Variants in WDFY4 observed in about 807,000 individuals in gnomAD.
The protein encoded by WDFY4 is WD repeat- and FYVE domain-containing protein 4.
A neutral mutation model predicts 351.9 loss-of-function variants in WDFY4; 169 were observed. The observed-to-expected ratio is 0.48, with a 90% CI of 0.42 to 0.55. The LOEUF is 0.55. Among genes scored for constraint, WDFY4 ranks in the 20% least tolerant of loss-of-function variants. The probability of loss-of-function intolerance (pLI) is 0.00; values close to 1 mark genes in which losing one functional copy is unlikely to be tolerated. For missense variants in WDFY4, 3,803 were observed against 3,935.6 expected, an observed-to-expected ratio of 0.97 and a Z score of 0.90; for synonymous variants, 1,622 against 1,574.6, an observed-to-expected ratio of 1.03 and a Z score of -0.71.
Position 48,743,414 on chromosome 10 carries a change from C to A in WDFY4, c.2325C>A (p.Ser775Arg), listed in dbSNP as rs1487962791. The A allele has an allele frequency of 1.3e-6, 2 of 1,551,438 alleles. No individual in the cohort carries two copies. Among genetic ancestry groups the A allele is most frequent in the Non-Finnish European group, 1.7e-6 (2 of 1,146,996 alleles). ...TTGGCTTTCTGGACAGCATGGCCAG[C>A]GGCACCCTCCACTTGCGTGGGGACC... ...QILGFLDSMA[S>R]GTLHLRGDLK... The change falls in exon 12 of 62, where the codon AGC becomes AGA. Residue 775 changes from serine to arginine, a missense_variant. Around this residue, in one of 3 missense-constraint regions of WDFY4, gnomAD observed 3,054 missense variants for 3,148.6 expected, o/e 0.97. Transcript: ENST00000325239.
chr10:48,785,134 A>C (rs1311963600), intron 19 of WDFY4, among the ~76,000 whole-genome samples: 1 of 152,142 alleles, frequency 6.6e-6, no homozygotes, highest in Non-Finnish European at 1.5e-5. Flanking sequence ...TGCTGGGATT[A>C]CAGACGTGAG....
intron 43 of WDFY4, among the ~76,000 whole-genome samples, chr10:48,880,319 C>A (rs1296197291): frequency 6.6e-6 from 1 of 152,220 alleles, no homozygotes; most frequent in Non-Finnish European, 1.5e-5. Context: ...CACCAGGTGA[C>A]ATTTTCCTCA....
chr10:48,838,741 C>T (rs1168718706), intron 39 of WDFY4, among the ~76,000 whole-genome samples: 1 of 152,234 alleles, frequency 6.6e-6, no homozygotes, highest in Non-Finnish European at 1.5e-5. Context: ...GAAGCAACAT[C>T]CCAGACATCG....
At chr10:48,806,540 G>C (rs2067262942) in intron 27 of WDFY4, among the ~76,000 whole-genome samples, 1 of 152,218 alleles carries the variant, frequency 6.6e-6, no homozygotes, top group Admixed American at 6.5e-5. Flanking sequence ...TAGCCAAGCT[G>C]TCCCCAGTCC....
intron 40 of WDFY4, among the ~76,000 whole-genome samples, chr10:48,870,602 A>G (rs1369597429): frequency 1.3e-5 from 2 of 152,082 alleles, no homozygotes; most frequent in African/African-American, 4.8e-5. Flanking sequence ...CCCCAACATA[A>G]CAGAATCCCT....
chr10:48,788,556 C>A lies in WDFY4; in HGVS notation c.3835C>A (p.Pro1279Thr), dbSNP rs1158419369. 6.4e-7 allele frequency: 1 copy of A among 1,551,972 alleles called. No homozygotes were observed. Among genetic ancestry groups the A allele is most frequent in the African/African-American group, 1.4e-5 (1 of 73,052 alleles). ...GGAGGACCTGGACAGTGAAGCCACGCCCTTTGTTGCAGAAGAAAGAGTTTC... is the reference window on the plus strand; with the variant it reads ...GGAGGACCTGGACAGTGAAGCCACGACCTTTGTTGCAGAAGAAAGAGTTTC... Reference protein sequence around the residue: ...QGEDLDSEATPFVAEERVSFG... With the variant: ...QGEDLDSEATTFVAEERVSFG... Residue 1279 changes from proline to threonine, a missense_variant, in exon 21 of 62, where the codon CCC (proline) becomes ACC (threonine). Transcript: ENST00000325239.
rs1565198961 is a variant in WDFY4 at position 48,787,933 on chromosome 10, CT to C, written c.3809-595del. Among the ~76,000 whole-genome samples, 321 of 93,958 alleles carry C rather than the reference CT, an allele frequency of 3.4e-3. 9 individuals carry two copies. Among genetic ancestry groups the C allele is most frequent in the South Asian group, 9.3e-3 (23 of 2,482 alleles). The allele number at this position is 93,958 out of a possible 152,430, so 61.6% of individuals were successfully genotyped here. On this transcript the variant is annotated intron_variant, in intron 20 of 61. Coordinates refer to ENST00000325239, the MANE Select transcript of WDFY4 (RefSeq NM_001394531.1). ...TCTTCTTCTTCTTCTTCTTCTTCTT[CT>C]TCTTCTTCTTCTTCTTCTTCTTCTT...
In WDFY4 at chr10:48,786,650, C is replaced by T; in HGVS notation, c.3588C>T (p.Ile1196=). Residue 1196 remains isoleucine, a synonymous_variant, in exon 20 of 62, where the codon ATC becomes ATT. Coordinates refer to ENST00000325239, the MANE Select transcript of WDFY4 (RefSeq NM_001394531.1). ...QVIGSAKMLY[I]QALPGPFLSM... is the part of the protein sequence containing the mutation. ...TTTTATTTTAACAGATGTTATACAT[C>T]CAGGCTCTACCAGGGCCTTTCCTTT... The T allele has an allele frequency of 6.4e-7, 1 of 1,551,194 alleles. No homozygotes were observed. The highest frequency in any genetic ancestry group is 8.7e-7 in the Non-Finnish European group (1 of 1,146,704).
At chr10:48,721,925 G>A (rs544014887) in intron 4 of WDFY4, among the ~76,000 whole-genome samples, 21 of 152,202 alleles carry the variant, frequency 1.4e-4, no homozygotes, top group Non-Finnish European at 2.9e-4. Context: ...TACCTGTCTC[G>A]CCCTCGCCCA....
intron 31 of WDFY4, 85 bp downstream of exon 31, chr10:48,814,167 C>T (rs1369396278): frequency 7.0e-7 from 1 of 1,420,672 alleles, no homozygotes; most frequent in Admixed American, 2.7e-5. Context: ...TTTCTCTTAG[C>T]ATCTTCCCAC....
At position 48,871,472 on chromosome 10, in the gene WDFY4, C is replaced by G. The variant is rs574905462; in HGVS notation, c.6742-2019C>G. Among the ~76,000 whole-genome samples the G allele has an allele frequency of 3.9e-4, 59 of 151,444 alleles. 2 individuals are homozygous for G. The highest frequency in any genetic ancestry group is 3.8e-4 in the Non-Finnish European group (26 of 67,848). ...GTCATTATTTTTCTGGTGGCCCCCC[C>G]CTTTTTTTTTTTTTCTGAGACAAGG... On this transcript the variant is annotated intron_variant, in intron 40 of 61. Transcript: ENST00000325239.
At position 48,969,082 on chromosome 10, in the gene WDFY4, T is replaced by A. The variant is rs1564537908; in HGVS notation, c.8603T>A (p.Leu2868Gln). The A allele has an allele frequency of 6.4e-7, 1 of 1,551,750 alleles. No homozygotes were observed. The highest frequency in any genetic ancestry group is 8.7e-7 in the Non-Finnish European group (1 of 1,146,934). The change falls in exon 56 of 62, where the codon CTA (leucine) becomes CAA (glutamine). Residue 2868 changes from leucine to glutamine, a missense_variant. By Grantham distance (113) the Leu-to-Gln change is moderately radical (BLOSUM62 -2). This residue lies in a region of WDFY4 where 3,054 missense variants were observed against 3,148.6 expected (regional missense o/e 0.97). Coordinates refer to ENST00000325239, the MANE Select transcript of WDFY4 (RefSeq NM_001394531.1). Reference sequence around the variant, plus strand: ...GGTGTAGATATGTACCTCTTTTCTCTAGGCTCAGAGTCCCCCAAAGGGGCC... The same window carrying A: ...GGTGTAGATATGTACCTCTTTTCTCAAGGCTCAGAGTCCCCCAAAGGGGCC... Reference protein sequence around the residue: ...VTVKDMYLFSLGSESPKGAIG... With the variant: ...VTVKDMYLFSQGSESPKGAIG...
At chr10:48,957,424 G>GCTGCC in intron 52 of WDFY4, 142 bp downstream of exon 52, 1 of 1,092,326 alleles carries the variant, frequency 9.2e-7, no homozygotes, top group Non-Finnish European at 1.3e-6. Flanking sequence ...CCACTGGGCA[G>GCTGCC]CAGTGCCCAG....
intron 11 of WDFY4, among the ~76,000 whole-genome samples, chr10:48,737,192 C>T (rs7089602): frequency 0.98 from 148,679 of 152,194 alleles, 72,729 homozygotes; most frequent in East Asian, 1. Flanking sequence ...GTATTCTTTG[C>T]ACACAGGGGG....
intron 51 of WDFY4, among the ~76,000 whole-genome samples, chr10:48,955,745 C>CT (rs1309030635): frequency 1.3e-5 from 2 of 152,154 alleles, no homozygotes; most frequent in Non-Finnish European, 2.9e-5. Context: ...GGCCCCTGCC[C>CT]TTTTTTACCT....
chr10:48,694,712 G>A (rs1217586508), intron 1 of WDFY4, among the ~76,000 whole-genome samples: 1 of 152,130 alleles, frequency 6.6e-6, no homozygotes, highest in Non-Finnish European at 1.5e-5. Context: ...CAACCCCTGA[G>A]CCCCTGTCCC....
At chr10:48,913,496 G>T in intron 47 of WDFY4, 3 of 1,613,732 alleles carry the variant, frequency 1.9e-6, no homozygotes, top group Non-Finnish European at 2.5e-6. Context: ...TTCTATTCAG[G>T]TTGTCCCGGG....
chr10:48,720,240 C>T (rs1160318938), intron 3 of WDFY4, 115 bp downstream of exon 3: 3 of 1,069,032 alleles, frequency 2.8e-6, no homozygotes, highest in Non-Finnish European at 4.0e-6. Flanking sequence ...TGTTGCCTGC[C>T]AAAGAGAAGT....
chr10:48,822,374 C>A lies in WDFY4; in HGVS notation c.5825-6C>A, dbSNP rs2067854601. The A allele has an allele frequency of 1.3e-6, 2 of 1,537,800 alleles. No homozygotes were observed. The highest frequency in any genetic ancestry group is 1.8e-6 in the Non-Finnish European group (2 of 1,139,578). ...TCTCACCTCCACCTGTCCCCTCACT[C>A]CACAGACGGCAAAGAGCCTCAGCCA... On this transcript the variant is annotated splice_region_variant and splice_polypyrimidine_tract_variant and intron_variant, in intron 34 of 61. Coordinates refer to ENST00000325239, the MANE Select transcript of WDFY4 (RefSeq NM_001394531.1).
Sources: gnomAD v4.1 joint callset for allele counts (sites outside exome capture counted in the v4.1 genomes callset) on GRCh38, gnomAD v4.1.1 for gene constraint, gnomAD v4.1.1 regional missense constraint, MANE v1.5 for transcripts, NCBI Gene and HGNC (gene_info 2026-07-23, HGNC 2026-07-21) for gene names.